Variants in HYDIN observed in about 807,000 individuals in gnomAD.
HYDIN encodes HYDIN axonemal central pair apparatus protein.
In HYDIN, 132 loss-of-function variants were observed where a neutral mutation model predicts 403.9. The observed-to-expected ratio is 0.33, with a 90% confidence interval of 0.28 to 0.38. The LOEUF is 0.38. Ranked by LOEUF, HYDIN falls within the 10% of genes least tolerant of loss-of-function variation. The pLI, the probability that HYDIN is intolerant of heterozygous loss-of-function variation, is 1.00. For missense variants in HYDIN, 2,827 were observed against 5,009.5 expected (o/e 0.56, Z 13.15); for synonymous variants, 1,202 against 1,891.7 (o/e 0.64, Z 9.46).
intron 3 of HYDIN, among the ~76,000 whole-genome samples, chr16:71,181,635 A>C (rs922757065): frequency 1.3e-5 from 2 of 152,250 alleles, no homozygotes; most frequent in African/African-American, 4.8e-5. Flanking sequence ...CCATAAGCTC[A>C]AAGAGCATAA....
At chr16:71,000,573 T>A (rs1295112050) in intron 23 of HYDIN, among the ~76,000 whole-genome samples, 1 of 151,802 alleles carries the variant, frequency 6.6e-6, no homozygotes, top group Non-Finnish European at 1.5e-5. Flanking sequence ...TTAAGTTAAA[T>A]ATAAAGAGAG....
In HYDIN at chr16:70,834,027, G is replaced by A. The variant is rs1178180915; in HGVS notation, c.13539C>T (p.Arg4513=). ...AGCAGCCGCTAAGGAGGAAGAGGGG[G>A]CGCAGGAGCCCCATGCATTCCATGA... is the stretch of plus-strand genomic sequence containing the variant. ...EVFMECMGLL[R]PLFLLSGCCQ... Residue 4513 remains arginine, a synonymous_variant, in exon 79 of 86, where the codon CGC becomes CGT. Transcript: ENST00000393567. 3.1e-6 allele frequency: 5 copies of A among 1,605,416 alleles called. No individual in the cohort carries two copies. Among genetic ancestry groups the A allele is most frequent in the Non-Finnish European group, 4.3e-6 (5 of 1,173,426 alleles).
At chr16:71,040,547 T>G (rs1196961602) in intron 18 of HYDIN, among the ~76,000 whole-genome samples, 1 of 119,842 alleles carries the variant, frequency 8.3e-6, no homozygotes, top group East Asian at 2.5e-4. Context: ...GGGATCCCAG[T>G]TTTTTCTGTT....
intron 78 of HYDIN, among the ~76,000 whole-genome samples, chr16:70,835,473 C>A (rs896953992): frequency 6.6e-6 from 1 of 152,180 alleles, no homozygotes; most frequent in Non-Finnish European, 1.5e-5. Context: ...TTCGTTTTCA[C>A]AAAAACAGTG....
intron 7 of HYDIN, among the ~76,000 whole-genome samples, chr16:71,145,664 T>C (rs2085341208): frequency 6.6e-6 from 1 of 152,170 alleles, no homozygotes; most frequent in African/African-American, 2.4e-5. Context: ...AAAATTGATA[T>C]CCAGGGAGGC....
intron 81 of HYDIN, among the ~76,000 whole-genome samples, chr16:70,828,871 G>A (rs1219187637): frequency 6.8e-6 from 1 of 147,862 alleles, no homozygotes; most frequent in East Asian, 2.0e-4. Context: ...ATGTAAAATT[G>A]GGTATGTTAT....
At chr16:71,052,543 G>T (rs1255240648) in intron 18 of HYDIN, among the ~76,000 whole-genome samples, 1 of 148,972 alleles carries the variant, frequency 6.7e-6, no homozygotes, top group Non-Finnish European at 1.5e-5. Context: ...GACAGGGATT[G>T]ATTTCCTAAA....
intron 8 of HYDIN, among the ~76,000 whole-genome samples, chr16:71,134,536 G>A (rs962070985): frequency 3.2e-4 from 48 of 152,158 alleles, no homozygotes; most frequent in Non-Finnish European, 1.3e-4. Flanking sequence ...GGGATGGGCG[G>A]GTCTCTGCCC....
intron 2 of HYDIN, 55 bp from the exon 3 acceptor site, chr16:71,185,045 T>A: frequency 7.3e-7 from 1 of 1,373,322 alleles, no homozygotes; most frequent in Non-Finnish European, 9.9e-7. Flanking sequence ...ACTGAAAAAG[T>A]GTTTTCATAA....
chr16:71,020,510 T>C (rs2144125193), intron 21 of HYDIN, among the ~76,000 whole-genome samples, 193 bp from the exon 22 acceptor site: 2 of 152,266 alleles, frequency 1.3e-5, no homozygotes, highest in East Asian at 3.9e-4. Flanking sequence ...TGTAGAACTT[T>C]AGATTAATCA....
chr16:71,136,745 C>T (rs532386076), intron 8 of HYDIN, among the ~76,000 whole-genome samples: 2 of 138,606 alleles, frequency 1.4e-5, no homozygotes, highest in South Asian at 2.3e-4. Context: ...CCAGCCCTGG[C>T]GACAGTACGA....
intron 47 of HYDIN, among the ~76,000 whole-genome samples, chr16:70,917,316 T>C (rs1181083660): frequency 4.6e-5 from 7 of 152,260 alleles, no homozygotes; most frequent in Non-Finnish European, 2.9e-5. Flanking sequence ...GGGTGAGGCA[T>C]GCCCACCGAC....
At chr16:71,156,274 C>T (rs1261405694) in intron 6 of HYDIN, among the ~76,000 whole-genome samples, 2 of 152,150 alleles carry the variant, frequency 1.3e-5, no homozygotes, top group Non-Finnish European at 2.9e-5. Flanking sequence ...GTTACACAAA[C>T]TTCTTCAGTA....
chr16:70,875,103 ACATT>A lies in HYDIN; in HGVS notation c.10558-188_10558-185del, dbSNP rs532755342. 2.7e-3 allele frequency among the ~76,000 whole-genome samples: 410 copies of A among 152,074 alleles called. 2 individuals carry two copies. The highest frequency in any genetic ancestry group is 9.3e-3 in the African/African-American group (385 of 41,444). The stretch of plus-strand genomic sequence containing the variant: ...TATTAGACCTGGAGAGGACAGAAGA[ACATT>A]CAGTCAGATCAGCCCTTGTTATCTG... On this transcript the variant is annotated intron_variant, in intron 62 of 85. Coordinates refer to ENST00000393567, the MANE Select transcript of HYDIN (RefSeq NM_001270974.2).
intron 42 of HYDIN, among the ~76,000 whole-genome samples, chr16:70,942,172 C>T (rs1057414292): frequency 2.0e-5 from 3 of 150,540 alleles, no homozygotes; most frequent in Non-Finnish European, 3.0e-5. Flanking sequence ...TTACAGGTGC[C>T]CACCACCAGG....
chr16:70,891,233 G>A (rs1464970630), intron 57 of HYDIN, among the ~76,000 whole-genome samples: 2 of 152,054 alleles, frequency 1.3e-5, no homozygotes, highest in Admixed American at 1.3e-4. Flanking sequence ...CTGTCGCCCA[G>A]ACTGGAGTGC....
Position 71,230,575 on chromosome 16 carries a change from G to A in HYDIN, c.-37C>T. 2 of 1,535,472 alleles carry A rather than the reference G, an allele frequency of 1.3e-6. No individual in the cohort carries two copies. The highest frequency in any genetic ancestry group is 1.4e-5 in the African/African-American group (1 of 73,154). ...AGGACCTCTGACCTTGGTGCACTCC[G>A]GGTCCCACGTTTATTCTACCTCCAT... On this transcript the variant is annotated 5_prime_UTR_variant, in exon 1 of 86. Transcript: ENST00000393567.
chr16:70,861,823 G>A (rs2039433678), intron 69 of HYDIN, among the ~76,000 whole-genome samples: 1 of 67,840 alleles, frequency 1.5e-5, no homozygotes, highest in East Asian at 3.6e-4. Flanking sequence ...AAGTAAGCAG[G>A]GGGAAGCATC....
chr16:70,913,399 G>C (rs1240186458), intron 47 of HYDIN, among the ~76,000 whole-genome samples: 1 of 151,992 alleles, frequency 6.6e-6, no homozygotes, highest in African/African-American at 2.4e-5. Context: ...GATCATTCGG[G>C]AGCAGGTTAT....
Sources: gnomAD v4.1 joint callset for allele counts (sites outside exome capture counted in the v4.1 genomes callset) on GRCh38, gnomAD v4.1.1 for gene constraint, MANE v1.5 for transcripts, NCBI Gene and HGNC (gene_info 2026-07-23, HGNC 2026-07-21) for gene names.